DLG2: variants seen among roughly 807,000 people sequenced by gnomAD.
The protein encoded by DLG2 is discs large MAGUK scaffold protein 2.
Under a neutral mutation model 132.5 loss-of-function variants are expected in DLG2, and 45 were observed. That is an observed-to-expected ratio of 0.34 (90% CI 0.27 to 0.44). DLG2 has a LOEUF of 0.44. DLG2 is among the 20% of genes least tolerant of loss of function. The pLI, the probability that DLG2 is intolerant of heterozygous loss-of-function variation, is 1.00. For synonymous variants in DLG2, 424 were observed against 419.6 expected (o/e 1.01, Z -0.13); for missense variants, 1,045 against 1,196.9 (o/e 0.87, Z 1.87).
chr11:84,104,260 A>G (rs1278874963), intron 9 of DLG2, among the ~76,000 whole-genome samples: 1 of 152,120 alleles, frequency 6.6e-6, no homozygotes, highest in Non-Finnish European at 1.5e-5. Context: ...AAAGAATAAA[A>G]TCATATCCTT....
At chr11:84,798,725 A>G (rs906611808) in intron 6 of DLG2, among the ~76,000 whole-genome samples, 1 of 152,150 alleles carries the variant, frequency 6.6e-6, no homozygotes, top group Non-Finnish European at 1.5e-5. Context: ...TAAGGCCCAA[A>G]GCATACTACC....
intron 6 of DLG2, among the ~76,000 whole-genome samples, chr11:84,592,356 T>C (rs1054809779): frequency 6.6e-6 from 1 of 152,208 alleles, no homozygotes; most frequent in Non-Finnish European, 1.5e-5. Context: ...AGACCAGTAG[T>C]ATGCTAGTCT....
intron 4 of DLG2, among the ~76,000 whole-genome samples, chr11:85,208,808 C>G (rs1161401324): frequency 6.6e-6 from 1 of 152,102 alleles, no homozygotes. Flanking sequence ...AGCACACTCC[C>G]TCCTCAATGA....
intron 18 of DLG2, among the ~76,000 whole-genome samples, chr11:83,699,937 G>GCACACA (rs140957816): frequency 0.22 from 31,329 of 142,136 alleles, 3,680 homozygotes; most frequent in African/African-American, 0.32. Context: ...CACCACACAT[G>GCACACA]CACACACACA....
At chr11:85,007,612 G>C (rs1440568135) in intron 6 of DLG2, among the ~76,000 whole-genome samples, 1 of 141,364 alleles carries the variant, frequency 7.1e-6, no homozygotes, top group Non-Finnish European at 1.5e-5. Flanking sequence ...ATTGCAGTGA[G>C]CCGTGATTGG....
chr11:83,532,527 A>G (rs1436626264), intron 21 of DLG2, among the ~76,000 whole-genome samples, 181 bp downstream of exon 21: 6 of 152,156 alleles, frequency 3.9e-5, no homozygotes, highest in Non-Finnish European at 2.9e-5. Flanking sequence ...GTGTTTAAAT[A>G]TATTTACCAT....
At chr11:84,784,321 AAAAT>A (rs58436058) in intron 6 of DLG2, among the ~76,000 whole-genome samples, 2,189 of 124,430 alleles carry the variant, frequency 0.018, 40 homozygotes, top group African/African-American at 0.039. Flanking sequence ...ACTCCACCTC[AAAAT>A]AAATAAATAA....
intron 14 of DLG2, among the ~76,000 whole-genome samples, chr11:83,941,717 T>C (rs2082711191): frequency 6.6e-6 from 1 of 152,304 alleles, no homozygotes; most frequent in East Asian, 1.9e-4. Flanking sequence ...TAAATCAGCA[T>C]ATGTGCTTAA....
chr11:83,980,650 A>T lies in DLG2; in HGVS notation c.920-8T>A. The T allele has an allele frequency of 6.4e-7, 1 of 1,560,116 alleles. No individual in the cohort carries two copies. The highest frequency in any genetic ancestry group is 8.6e-7 in the Non-Finnish European group (1 of 1,157,758). The stretch of plus-strand genomic sequence containing the variant: ...CAATACTGAAGCCTAAACCTATAAG[A>T]AAGGAACAGAAAATGGAAAGCCTTG... On this transcript the variant is annotated splice_region_variant and splice_polypyrimidine_tract_variant and intron_variant, in intron 11 of 27. Coordinates refer to ENST00000376104, the MANE Select transcript of DLG2 (RefSeq NM_001142699.3).
intron 4 of DLG2, among the ~76,000 whole-genome samples, chr11:85,252,849 A>C (rs1001592606): frequency 6.6e-6 from 1 of 152,202 alleles, no homozygotes; most frequent in Non-Finnish European, 1.5e-5. Flanking sequence ...AAGTACCAAG[A>C]AGGGTTTGAA....
At chr11:84,042,384 T>C (rs1566178147) in intron 11 of DLG2, among the ~76,000 whole-genome samples, 1 of 151,866 alleles carries the variant, frequency 6.6e-6, no homozygotes, top group Non-Finnish European at 1.5e-5. Context: ...TTTTTATAAA[T>C]TTTCCTTGCT....
chr11:83,635,008 C>A (rs1381586044), intron 18 of DLG2, among the ~76,000 whole-genome samples: 4 of 152,126 alleles, frequency 2.6e-5, no homozygotes, highest in African/African-American at 9.7e-5. Context: ...AGGTAAAAAT[C>A]TATTGACTAT....
rs371419507 is a variant in DLG2 at position 84,838,230 on chromosome 11, C to G, written c.357+273431G>C. On this transcript the variant is annotated intron_variant, in intron 6 of 27. Coordinates refer to ENST00000376104, the MANE Select transcript of DLG2 (RefSeq NM_001142699.3). The stretch of plus-strand genomic sequence containing the variant: ...GACATGAACCTCCACTGAGTTTGCT[C>G]TCACTAACAAGCCTCCTTCAAAGTG... Among the ~76,000 whole-genome samples, 6 of 151,774 alleles carry G rather than the reference C, an allele frequency of 4.0e-5. No homozygotes were observed. In the East Asian group the frequency reaches 7.9e-4, roughly 20 times the overall value.
At chr11:85,586,787 A>C (rs1426357328) in intron 3 of DLG2, among the ~76,000 whole-genome samples, 2 of 152,036 alleles carry the variant, frequency 1.3e-5, no homozygotes, top group African/African-American at 4.8e-5. Flanking sequence ...GTGTGACTTT[A>C]GATTGCCTAT....
At chr11:84,971,078 A>G (rs1592028141) in intron 6 of DLG2, among the ~76,000 whole-genome samples, 2 of 152,332 alleles carry the variant, frequency 1.3e-5, no homozygotes, top group Middle Eastern at 3.4e-3. Context: ...CTGAAAGATG[A>G]ACTGATGATG....
At chr11:84,896,109 C>T (rs1258982111) in intron 6 of DLG2, among the ~76,000 whole-genome samples, 1 of 152,072 alleles carries the variant, frequency 6.6e-6, no homozygotes, top group Non-Finnish European at 1.5e-5. Flanking sequence ...AAAATATTAA[C>T]TGTGAAATAT....
chr11:84,232,201 G>A (rs939470858), intron 8 of DLG2, among the ~76,000 whole-genome samples: 16 of 152,136 alleles, frequency 1.1e-4, no homozygotes, highest in Admixed American at 7.9e-4. Flanking sequence ...TCTTTCTAAA[G>A]AAGCCACTGC....
At chr11:84,672,405 T>A (rs535869828) in intron 6 of DLG2, among the ~76,000 whole-genome samples, 1 of 152,134 alleles carries the variant, frequency 6.6e-6, no homozygotes, top group East Asian at 1.9e-4. Context: ...GAGAGAGCGA[T>A]CTGGTAGATA....
At chr11:85,564,911 T>C (rs1381161032) in intron 3 of DLG2, among the ~76,000 whole-genome samples, 2 of 152,098 alleles carry the variant, frequency 1.3e-5, no homozygotes, top group African/African-American at 4.8e-5. Flanking sequence ...TCTTATTTAA[T>C]TTCTGATAGC....
Sources: gnomAD v4.1 joint callset for allele counts (sites outside exome capture counted in the v4.1 genomes callset) on GRCh38, gnomAD v4.1.1 for gene constraint, MANE v1.5 for transcripts, NCBI Gene and HGNC (gene_info 2026-07-23, HGNC 2026-07-21) for gene names.